The following DLG3 variants were observed in gnomAD, a reference collection of about 807,000 sequenced individuals.
The protein encoded by DLG3 is discs large MAGUK scaffold protein 3, also known as disks large homolog 3.
Under a neutral mutation model 64.1 loss-of-function variants are expected in DLG3, and 1 was observed. The observed-to-expected ratio is 0.02, with a 90% CI of 0.01 to 0.07. DLG3 has a LOEUF of 0.07. DLG3 is among the 10% of genes least tolerant of loss of function. DLG3 has a pLI of 1.00. For missense variants in DLG3, 429 were observed against 669.5 expected (o/e 0.64, Z 3.96); for synonymous variants, 245 against 259.8 (o/e 0.94, Z 0.55).
intron 7 of DLG3, 200 bp from the exon 8 acceptor site, chrX:70,453,437 G>C (rs1231306681): frequency 1.2e-5 from 6 of 500,672 alleles, no homozygotes; most frequent in Non-Finnish European, 1.9e-5. Flanking sequence ...GAAGAAGGGA[G>C]GGAAGAGGAA....
chrX:70,470,494 T>C (rs1398786637), intron 9 of DLG3, among the ~76,000 whole-genome samples: 2 of 111,832 alleles, frequency 1.8e-5, no homozygotes, highest in Admixed American at 9.5e-5. Context: ...GCCTCCCAAA[T>C]TGCTGGAATT....
chrX:70,463,023 G>A lies in DLG3; in HGVS notation c.1405+8707G>A, dbSNP rs572477184. 2.9e-4 allele frequency among the ~76,000 whole-genome samples: 33 copies of A among 112,036 alleles called. No homozygotes were observed. In the South Asian group the frequency reaches 0.01, roughly 34 times the overall value. On this transcript the variant is annotated intron_variant, in intron 9 of 18. Coordinates refer to ENST00000374360, the MANE Select transcript of DLG3 (RefSeq NM_021120.4). ...AATTTAGCTGGTCAGGTGCTTTCTC[G>A]TCTTTGTTAGATGGTTTGAGGCAAA...
chrX:70,453,533 G>A (rs1017504056), intron 7 of DLG3, 104 bp from the exon 8 acceptor site: 112 of 1,116,901 alleles, frequency 1.0e-4, no homozygotes, highest in Non-Finnish European at 1.3e-4. Flanking sequence ...AGGGAACCAC[G>A]TCCTTACTCC....
At chrX:70,492,754 G>A (rs765708253) in intron 12 of DLG3, among the ~76,000 whole-genome samples, 158 bp downstream of exon 12, 1 of 112,487 alleles carries the variant, frequency 8.9e-6, no homozygotes, top group Non-Finnish European at 1.9e-5. Context: ...TTTTCAGAAA[G>A]CAGAGAGGGA....
chrX:70,445,326 G>A lies in DLG3; in HGVS notation c.125G>A (p.Gly42Asp), dbSNP rs1253487870. Residue 42 changes from glycine to aspartate, a missense_variant, in exon 1 of 19, where the codon GGT becomes GAT. Gly to Asp is a moderately conservative substitution (Grantham distance 94). Coordinates refer to ENST00000374360, the MANE Select transcript of DLG3 (RefSeq NM_021120.4). ...CAAGTCCCCGACCCTTACGGGCCAG[G>A]TGGGGGCAACGGCGCCAGCGCGGGT... is the stretch of plus-strand genomic sequence containing the variant. ...DWQVPDPYGP[G>D]GGNGASAGYG... 3 of 1,167,322 alleles carry A rather than the reference G, an allele frequency of 2.6e-6. No homozygotes were observed. Among genetic ancestry groups the A allele is most frequent in the Non-Finnish European group, 3.4e-6 (3 of 874,973 alleles).
chrX:70,479,000 G>A (rs2087106265), intron 9 of DLG3, 150 bp from the exon 10 acceptor site: 2 of 492,579 alleles, frequency 4.1e-6, no homozygotes, highest in Middle Eastern at 4.5e-4. Flanking sequence ...TAGGAGGAGG[G>A]ACTTTGCTTA....
At position 70,500,937 on chromosome X, in the gene DLG3, G is replaced by A. The variant is rs200152610; in HGVS notation, c.2295G>A (p.Lys765=). 109 of 1,202,155 alleles carry A rather than the reference G, an allele frequency of 9.1e-5. No homozygotes were observed. The East Asian group carries it at 3.1e-3, about 34-fold the overall frequency. ...NRRQTYEQAN[K]IYDKAMKLEQ... ...GGCAGACATATGAACAAGCAAATAA[G>A]ATCTATGACAAAGCCATGAAACTGG... The change falls in exon 18 of 19, where the codon AAG becomes AAA. Residue 765 remains lysine, a synonymous_variant. Transcript: ENST00000374360.
chrX:70,450,542 A>C, intron 5 of DLG3, 97 bp from the exon 6 acceptor site: 1 of 1,075,720 alleles, frequency 9.3e-7, no homozygotes, highest in East Asian at 3.2e-5. Context: ...GGCCTTTGTT[A>C]GCATGCTGTT....
intron 9 of DLG3, chrX:70,455,136 C>A: frequency 1.3e-6 from 1 of 744,122 alleles, no homozygotes; most frequent in Non-Finnish European, 1.6e-6. Context: ...CTCCCTCCTT[C>A]CCCCTCCTCT....
intron 1 of DLG3, among the ~76,000 whole-genome samples, chrX:70,447,063 C>T (rs2086575434): frequency 9.0e-6 from 1 of 111,455 alleles, no homozygotes; most frequent in Non-Finnish European, 1.9e-5. Flanking sequence ...AGGCCTTTCT[C>T]TCGCAAACAC....
chrX:70,502,209 A>G lies in DLG3; in HGVS notation c.2394A>G (p.Lys798=). ...DSLEEIYNKI[K]QIIEDQSGHY... The stretch of plus-strand genomic sequence containing the variant: ...TGGAAGAGATTTATAACAAAATCAA[A>G]CAAATCATTGAGGACCAGTCTGGGC... Residue 798 remains lysine, a synonymous_variant, in exon 19 of 19, where the codon AAA becomes AAG. Transcript: ENST00000374360. 8.3e-7 allele frequency: 1 copy of G among 1,210,324 alleles called. No individual in the cohort carries two copies. Among genetic ancestry groups the G allele is most frequent in the South Asian group, 1.8e-5 (1 of 56,801 alleles).
chrX:70,476,127 C>T (rs1246609980), intron 9 of DLG3, among the ~76,000 whole-genome samples: 1 of 111,863 alleles, frequency 8.9e-6, no homozygotes, highest in Non-Finnish European at 1.9e-5. Flanking sequence ...TTCTTCGGTA[C>T]TGACTTCTGA....
In DLG3 at chrX:70,452,357, C is replaced by G. The variant is rs925954739; in HGVS notation, c.1145+331C>G. On this transcript the variant is annotated intron_variant, in intron 7 of 18. Transcript: ENST00000374360. ...TTTCCTGCCCTGAGATAGTTGCAGC[C>G]CGCTCTGCTGCAACCATTTCAAATT... 1.1e-5 allele frequency: 11 copies of G among 991,075 alleles called. No individual in the cohort carries two copies. In the South Asian group the frequency reaches 2.9e-4, roughly 27 times the overall value. 81.7% of individuals were successfully genotyped at this position (991,075 alleles called of 1,213,427 possible). A position where few individuals can be genotyped will look rare whatever the true frequency, so the allele number is the denominator to read the frequency against.
At chrX:70,453,485 G>C in intron 7 of DLG3, 152 bp from the exon 8 acceptor site, 1 of 853,003 alleles carries the variant, frequency 1.2e-6, no homozygotes. Context: ...AGCCAAGCAG[G>C]TTTCAGGAGA....
chrX:70,460,301 A>C (rs1169064881), intron 9 of DLG3, among the ~76,000 whole-genome samples: 13 of 101,352 alleles, frequency 1.3e-4, no homozygotes, highest in Non-Finnish European at 2.0e-4. Flanking sequence ...AAAAAAAAAA[A>C]AAAAAACTCC....
Position 70,488,485 on chromosome X carries a change from C to T in DLG3, c.1521-3622C>T, listed in dbSNP as rs138802363. ...GAGGAAATTTTCTAGCTTAGTCAAA[C>T]AAAATTTAAGCAGGAAAAAGAGGCA... On this transcript the variant is annotated intron_variant, in intron 10 of 18. Coordinates refer to ENST00000374360, the MANE Select transcript of DLG3 (RefSeq NM_021120.4). Among the ~76,000 whole-genome samples, 239 of 111,556 alleles carry T rather than the reference C, an allele frequency of 2.1e-3. 2 individuals are homozygous for T. The East Asian group carries it at 0.024, about 11-fold the overall frequency.
rs753531909 is a variant in DLG3, at chrX:70,450,317, T to A, written c.840+12T>A. ...ACCGGCTGCTGGCGGTGAGACAGAC[T>A]TCATGGGGATGCCCAAATGGTAGGG... On this transcript the variant is annotated intron_variant, in intron 5 of 18. Coordinates refer to ENST00000374360, the MANE Select transcript of DLG3 (RefSeq NM_021120.4). 153 of 1,169,384 alleles carry A rather than the reference T, an allele frequency of 1.3e-4. No individual in the cohort carries two copies. The highest frequency in any genetic ancestry group is 1.6e-4 in the Non-Finnish European group (144 of 874,443).
chrX:70,480,863 G>C (rs1291945072), intron 10 of DLG3, among the ~76,000 whole-genome samples: 1 of 112,083 alleles, frequency 8.9e-6, no homozygotes, highest in African/African-American at 3.2e-5. Flanking sequence ...GCCTGGGCAG[G>C]GGGAGTGGGA....
chrX:70,445,327 T>C lies in DLG3; in HGVS notation c.126T>C (p.Gly42=), dbSNP rs982660834. 8.6e-7 allele frequency: 1 copy of C among 1,167,622 alleles called. No homozygotes were observed. Among genetic ancestry groups the C allele is most frequent in the Non-Finnish European group, 1.1e-6 (1 of 875,014 alleles). ...DWQVPDPYGP[G]GGNGASAGYG... The stretch of plus-strand genomic sequence containing the variant: ...AAGTCCCCGACCCTTACGGGCCAGG[T>C]GGGGGCAACGGCGCCAGCGCGGGTT... The change falls in exon 1 of 19, where the codon GGT becomes GGC. Residue 42 remains glycine (G), a synonymous_variant. Transcript: ENST00000374360.
Sources: gnomAD v4.1 joint callset for allele counts (sites outside exome capture counted in the v4.1 genomes callset) on GRCh38, gnomAD v4.1.1 for gene constraint, MANE v1.5 for transcripts, NCBI Gene and HGNC (gene_info 2026-07-23, HGNC 2026-07-21) for gene names.